CRIM1: variants seen among roughly 807,000 people sequenced by gnomAD.
CRIM1 encodes the protein cysteine rich transmembrane BMP regulator 1.
Under a neutral mutation model 116.4 loss-of-function variants are expected in CRIM1, and 32 were observed. That is an observed-to-expected ratio of 0.27 (90% confidence interval 0.21 to 0.37). The LOEUF is 0.37. CRIM1 is among the 10% of genes least tolerant of loss of function. The probability of loss-of-function intolerance (pLI) is 1.00; values close to 1 mark genes in which losing one functional copy is unlikely to be tolerated. For missense variants in CRIM1, 1,331 were observed against 1,354.8 expected (o/e 0.98, Z 0.28); for synonymous variants, 590 against 509.2 (o/e 1.16, Z -2.13).
intron 4 of CRIM1, among the ~76,000 whole-genome samples, chr2:36,456,804 T>C (rs1455178207): frequency 6.6e-6 from 1 of 151,832 alleles, no homozygotes; most frequent in African/African-American, 2.4e-5. Context: ...ACCGCTGGGG[T>C]TGAGTCCCTT....
At chr2:36,394,507 C>G (rs1435589049) in intron 1 of CRIM1, among the ~76,000 whole-genome samples, 1 of 151,738 alleles carries the variant, frequency 6.6e-6, no homozygotes, top group African/African-American at 2.4e-5. Context: ...TCTGATTTTC[C>G]TTTCAGAGTA....
At chr2:36,521,853 AAG>A (rs1665416246) in intron 12 of CRIM1, among the ~76,000 whole-genome samples, 1 of 152,238 alleles carries the variant, frequency 6.6e-6, no homozygotes, top group Admixed American at 6.5e-5. Context: ...TTAAGGAAGA[AAG>A]AGCGGATGTT....
At chr2:36,529,056 C>A (rs1434830537) in intron 13 of CRIM1, 2 of 469,492 alleles carry the variant, frequency 4.3e-6, no homozygotes, top group Non-Finnish European at 8.8e-6. Context: ...GCCCCACGTT[C>A]TTAATTTAAA....
intron 1 of CRIM1, among the ~76,000 whole-genome samples, chr2:36,390,731 C>A (rs1671510388): frequency 6.6e-6 from 1 of 152,070 alleles, no homozygotes; most frequent in African/African-American, 2.4e-5. Flanking sequence ...GGAATTTAAG[C>A]AAAATTTTCA....
At chr2:36,393,393 T>G (rs887589319) in intron 1 of CRIM1, among the ~76,000 whole-genome samples, 7 of 152,166 alleles carry the variant, frequency 4.6e-5, no homozygotes, top group African/African-American at 1.4e-4. Flanking sequence ...TGTGTATATA[T>G]GTATACACAC....
At chr2:36,364,189 T>A (rs375382258) in intron 1 of CRIM1, among the ~76,000 whole-genome samples, 8 of 152,340 alleles carry the variant, frequency 5.3e-5, no homozygotes, top group African/African-American at 1.9e-4. Flanking sequence ...TCTGGGGTGA[T>A]GCCTGTGATT....
chr2:36,542,449 C>A (rs1667013365), intron 14 of CRIM1, among the ~76,000 whole-genome samples: 2 of 152,208 alleles, frequency 1.3e-5, no homozygotes, highest in African/African-American at 2.4e-5. Flanking sequence ...CGGAAATCTA[C>A]CCATATGCAG....
intron 7 of CRIM1, among the ~76,000 whole-genome samples, chr2:36,487,351 T>C (rs1679898129): frequency 6.6e-6 from 1 of 152,198 alleles, no homozygotes; most frequent in Non-Finnish European, 1.5e-5. Context: ...TCAAGTGAAG[T>C]GTTTTTCCTT....
chr2:36,428,998 C>T (rs1674667016), intron 2 of CRIM1, among the ~76,000 whole-genome samples: 1 of 152,184 alleles, frequency 6.6e-6, no homozygotes. Context: ...TCCCATAATG[C>T]TGTTTAGAGT....
At chr2:36,470,282 C>G (rs939857853) in intron 5 of CRIM1, among the ~76,000 whole-genome samples, 1 of 152,064 alleles carries the variant, frequency 6.6e-6, no homozygotes, top group Non-Finnish European at 1.5e-5. Context: ...AGCTGCATGT[C>G]GAAGCTGCAG....
Position 36,550,654 on chromosome 2 carries a change from C to T in CRIM1, c.*1953C>T, listed in dbSNP as rs553600058. The T allele has an allele frequency of 6.6e-6, 1 of 152,132 alleles. No homozygotes were observed. The highest frequency in any genetic ancestry group is 1.5e-5 in the Non-Finnish European group (1 of 67,916). 9.4% of individuals were successfully genotyped at this position (152,132 alleles called of 1,614,324 possible). ...AAAAAGGTGTTCTAGCTGTTTGCAT[C>T]AAAGGAAAAAAAGATTTATTATCAA... On this transcript the variant is annotated 3_prime_UTR_variant, in exon 17 of 17. Coordinates refer to ENST00000280527, the MANE Select transcript of CRIM1 (RefSeq NM_016441.3).
chr2:36,482,131 CTT>C (rs901645369), intron 7 of CRIM1, among the ~76,000 whole-genome samples: 3 of 152,078 alleles, frequency 2.0e-5, no homozygotes, highest in African/African-American at 7.2e-5. Context: ...TTCTGCTGGC[CTT>C]TTTTCCTCTC....
chr2:36,507,275 T>A (rs1681499266), intron 8 of CRIM1, among the ~76,000 whole-genome samples: 1 of 152,242 alleles, frequency 6.6e-6, no homozygotes. Context: ...ATTTCTGAAC[T>A]AGAAGATGGT....
intron 14 of CRIM1, among the ~76,000 whole-genome samples, chr2:36,542,833 C>A (rs916343390): frequency 6.6e-6 from 1 of 152,144 alleles, no homozygotes; most frequent in Non-Finnish European, 1.5e-5. Flanking sequence ...TAAATACCAT[C>A]CCCCTGCACA....
chr2:36,511,942 C>G (rs1214286625), intron 9 of CRIM1, among the ~76,000 whole-genome samples: 1 of 152,192 alleles, frequency 6.6e-6, no homozygotes, highest in African/African-American at 2.4e-5. Context: ...AACAAAATCT[C>G]CTTCACTTTC....
Position 36,531,139 on chromosome 2 carries a change from TA to T in CRIM1, c.2429-6210del, listed in dbSNP as rs1346670216. ...CAGAGTAAATTACTTTTCAGGACTC[TA>T]AATAGTACGCAGGAGATTTGAAAGA... On this transcript the variant is annotated intron_variant, in intron 13 of 16. Coordinates refer to ENST00000280527, the MANE Select transcript of CRIM1 (RefSeq NM_016441.3). 2.6e-5 allele frequency among the ~76,000 whole-genome samples: 4 copies of T among 152,326 alleles called. No homozygotes were observed. In the South Asian group the frequency reaches 6.2e-4, roughly 24 times the overall value.
chr2:36,451,476 A>G (rs930289436), intron 4 of CRIM1, among the ~76,000 whole-genome samples: 6 of 152,166 alleles, frequency 3.9e-5, no homozygotes, highest in Admixed American at 2.6e-4. Context: ...ACAGATGACA[A>G]TTTTTTCTTA....
chr2:36,496,172 G>C (rs1303988701), intron 7 of CRIM1, among the ~76,000 whole-genome samples: 1 of 152,168 alleles, frequency 6.6e-6, no homozygotes, highest in Non-Finnish European at 1.5e-5. Flanking sequence ...GTTCCAGTTT[G>C]TGTCTGAGTA....
intron 1 of CRIM1, among the ~76,000 whole-genome samples, chr2:36,359,715 A>C (rs1274267892): frequency 2.6e-5 from 4 of 152,248 alleles, no homozygotes; most frequent in Admixed American, 2.6e-4. Context: ...TTATTAAATA[A>C]ATTCTAATTG....
Sources: gnomAD v4.1 joint callset for allele counts (sites outside exome capture counted in the v4.1 genomes callset) on GRCh38, gnomAD v4.1.1 for gene constraint, MANE v1.5 for transcripts, NCBI Gene and HGNC (gene_info 2026-07-23, HGNC 2026-07-21) for gene names.